Variants in NFIB observed in about 807,000 individuals in gnomAD.
The protein encoded by NFIB is nuclear factor 1 B-type.
NFIB carries 11 observed loss-of-function variants against 61.5 expected under a neutral mutation model. That is an observed-to-expected ratio of 0.18 (90% CI 0.11 to 0.30). The LOEUF (loss-of-function observed/expected upper bound fraction) is 0.30, where lower values mean the gene tolerates loss of function less well. Among genes scored for constraint, NFIB ranks in the 10% least tolerant of loss-of-function variants. The pLI is 1.00. For missense variants in NFIB, 471 were observed against 608.9 expected (o/e 0.77, Z 2.38); for synonymous variants, 260 against 216.5 (o/e 1.20, Z -1.76).
At chr9:14,479,293 T>C in the NFIB span, among the ~76,000 whole-genome samples, 1 of 152,140 alleles carries the variant, frequency 6.6e-6, no homozygotes. Context: ...AGCAGTGACA[T>C]CATCTTCTTC....
In NFIB at chr9:14,085,714, G is replaced by T; in HGVS notation, c.*2595C>A. 1 of 219,398 alleles carries T rather than the reference G, an allele frequency of 4.6e-6. No homozygotes were observed. The allele number at this position is 219,398 out of a possible 1,614,324, so 13.6% of individuals were successfully genotyped here. On this transcript the variant is annotated 3_prime_UTR_variant, in exon 11 of 11. Coordinates refer to ENST00000380953, the MANE Select transcript of NFIB (RefSeq NM_001190737.2). ...CTGGATATTAAAAAAAAATCCAAGT[G>T]CACTGCCATCCATTTGAAGTAGTAA... is the stretch of plus-strand genomic sequence containing the variant.
chr9:14,424,111 A>G, the NFIB span, among the ~76,000 whole-genome samples: 7 of 152,146 alleles, frequency 4.6e-5, no homozygotes, highest in African/African-American at 1.7e-4. Flanking sequence ...CACGTACTCT[A>G]TGCTCATAAC....
chr9:14,311,117 G>T (rs1225861066), intron 1 of NFIB, among the ~76,000 whole-genome samples: 1 of 151,884 alleles, frequency 6.6e-6, no homozygotes, highest in African/African-American at 2.4e-5. Context: ...ATTTATACTG[G>T]TGTATAAATA....
rs139275719 is a variant in NFIB at position 14,234,010 on chromosome 9, G to C, written c.563-54230C>G. ...CTATCAATTATAATTAGCAAAACAGGAGTCAAGGGCATTGTTTTATTGTGT... is the reference window on the plus strand; with the variant it reads ...CTATCAATTATAATTAGCAAAACAGCAGTCAAGGGCATTGTTTTATTGTGT... On this transcript the variant is annotated intron_variant, in intron 2 of 10. Coordinates refer to ENST00000380953, the MANE Select transcript of NFIB (RefSeq NM_001190737.2). Among the ~76,000 whole-genome samples the C allele has an allele frequency of 1.4e-4, 21 of 152,284 alleles. No individual in the cohort carries two copies. In the East Asian group the frequency reaches 4.1e-3, roughly 29 times the overall value.
chr9:14,470,807 C>A, the NFIB span, among the ~76,000 whole-genome samples: 2 of 152,206 alleles, frequency 1.3e-5, no homozygotes, highest in Admixed American at 6.5e-5. Context: ...GGAACCCAGA[C>A]TCTAATCACA....
chr9:14,468,668 G>C, the NFIB span, among the ~76,000 whole-genome samples: 1 of 152,220 alleles, frequency 6.6e-6, no homozygotes, highest in East Asian at 1.9e-4. Flanking sequence ...GCAGGAACTG[G>C]ATAGAAAACT....
chr9:14,453,037 T>C, the NFIB span, among the ~76,000 whole-genome samples: 1 of 152,226 alleles, frequency 6.6e-6, no homozygotes, highest in Non-Finnish European at 1.5e-5. Flanking sequence ...AGAAACCTCA[T>C]GGGTGCATAA....
In NFIB at chr9:14,083,669, T is replaced by C; in HGVS notation, c.*4640A>G. On this transcript the variant is annotated 3_prime_UTR_variant, in exon 11 of 11. Transcript: ENST00000380953. Reference sequence around the variant, plus strand: ...TTAAAAATGAATACTGTACACTGAATATGGGATAACTTTCTGCAGCCTTCA... The same window carrying C: ...TTAAAAATGAATACTGTACACTGAACATGGGATAACTTTCTGCAGCCTTCA... The C allele has an allele frequency of 4.5e-6, 1 of 224,420 alleles. No individual in the cohort carries two copies. Among genetic ancestry groups the C allele is most frequent in the Non-Finnish European group, 8.9e-6 (1 of 112,188 alleles). The allele number at this position is 224,420 out of a possible 1,614,324, so 13.9% of individuals were successfully genotyped here.
chr9:14,142,084 T>A (rs562399733), intron 6 of NFIB, among the ~76,000 whole-genome samples: 1 of 152,166 alleles, frequency 6.6e-6, no homozygotes, highest in Non-Finnish European at 1.5e-5. Flanking sequence ...AAGAATTGTT[T>A]TCAATGTTCA....
At chr9:14,215,678 T>A (rs1563910044) in intron 2 of NFIB, among the ~76,000 whole-genome samples, 1 of 152,254 alleles carries the variant, frequency 6.6e-6, no homozygotes, top group East Asian at 1.9e-4. Flanking sequence ...CTTTTTGTTC[T>A]TCTGGATAAT....
At chr9:14,274,701 C>G (rs2057876388) in intron 2 of NFIB, among the ~76,000 whole-genome samples, 1 of 152,160 alleles carries the variant, frequency 6.6e-6, no homozygotes, top group Admixed American at 6.5e-5. Context: ...GAGCAACTAT[C>G]CAACATGAGG....
intron 1 of NFIB, among the ~76,000 whole-genome samples, chr9:14,396,005 G>A (rs569734878): frequency 2.6e-5 from 4 of 152,100 alleles, no homozygotes; most frequent in African/African-American, 9.6e-5. Flanking sequence ...CCTGTTGCCG[G>A]CAGTGCACTG....
the NFIB span, among the ~76,000 whole-genome samples, chr9:14,492,395 T>TA: frequency 6.6e-6 from 1 of 151,180 alleles, no homozygotes; most frequent in African/African-American, 2.4e-5. Context: ...AATAAATATT[T>TA]AAAAAATAAA....
chr9:14,418,940 T>C, the NFIB span, among the ~76,000 whole-genome samples: 4 of 152,118 alleles, frequency 2.6e-5, no homozygotes, highest in Admixed American at 1.3e-4. Flanking sequence ...GTAAATGAGA[T>C]ACAGGAAATA....
chr9:14,479,718 G>C, the NFIB span, among the ~76,000 whole-genome samples: 1 of 152,194 alleles, frequency 6.6e-6, no homozygotes, highest in Non-Finnish European at 1.5e-5. Context: ...TACCTTCCAA[G>C]TAAAGATCAT....
chr9:14,473,460 G>A, the NFIB span, among the ~76,000 whole-genome samples: 2 of 152,210 alleles, frequency 1.3e-5, no homozygotes, highest in Admixed American at 1.3e-4. Flanking sequence ...ATTTGCAGAT[G>A]TTGGTACTGT....
chr9:14,449,856 C>T, the NFIB span, among the ~76,000 whole-genome samples: 320 of 152,174 alleles, frequency 2.1e-3, 1 homozygote, highest in African/African-American at 7.4e-3. Flanking sequence ...ATCGTTTCAA[C>T]CCAGGAGGTG....
chr9:14,276,358 G>A (rs2057997435), intron 2 of NFIB, among the ~76,000 whole-genome samples: 1 of 152,054 alleles, frequency 6.6e-6, no homozygotes, highest in African/African-American at 2.4e-5. Context: ...AAAAGATAAA[G>A]GTGCTTTACA....
At chr9:14,485,968 A>T in the NFIB span, among the ~76,000 whole-genome samples, 1 of 152,206 alleles carries the variant, frequency 6.6e-6, no homozygotes, top group East Asian at 1.9e-4. Context: ...TAGACAAATA[A>T]ACAGATACAT....
Sources: allele counts gnomAD v4.1 joint callset (sites outside exome capture counted in the v4.1 genomes callset), GRCh38; gene constraint gnomAD v4.1.1; transcripts MANE v1.5; gene names NCBI Gene and HGNC (gene_info 2026-07-23, HGNC 2026-07-21).